Variants in ST18 observed in about 807,000 individuals in gnomAD.
ST18 encodes ST18 C2H2C-type zinc finger transcription factor.
ST18 carries 50 observed loss-of-function variants against 110.0 expected under a neutral mutation model. That is an observed-to-expected ratio of 0.45 (90% confidence interval 0.36 to 0.58). The LOEUF is 0.58. Ranked by LOEUF, ST18 falls within the 20% of genes least tolerant of loss-of-function variation. The pLI is 0.00. For missense variants in ST18, 1,306 were observed against 1,280.1 expected, an observed-to-expected ratio of 1.02 and a Z score of -0.31; for synonymous variants, 461 against 452.4, an observed-to-expected ratio of 1.02 and a Z score of -0.24.
chr8:52,288,043 T>C (rs1004685809), intron 2 of ST18, among the ~76,000 whole-genome samples: 1 of 152,168 alleles, frequency 6.6e-6, no homozygotes, highest in Admixed American at 6.5e-5. Context: ...AAACTTTCTT[T>C]CTCCAACTAA....
intron 2 of ST18, among the ~76,000 whole-genome samples, chr8:52,316,631 T>C (rs900445474): frequency 1.3e-5 from 2 of 152,218 alleles, no homozygotes; most frequent in African/African-American, 4.8e-5. Context: ...CTATTTTGAA[T>C]GTAGTCTCCC....
At chr8:52,358,987 C>A (rs1227040670) in intron 2 of ST18, among the ~76,000 whole-genome samples, 2 of 151,570 alleles carry the variant, frequency 1.3e-5, no homozygotes, top group African/African-American at 2.4e-5. Context: ...TACTAGGAAC[C>A]AAATTTATTT....
intron 2 of ST18, among the ~76,000 whole-genome samples, chr8:52,335,974 C>T (rs1322942871): frequency 6.6e-6 from 1 of 152,014 alleles, no homozygotes; most frequent in African/African-American, 2.4e-5. Context: ...ATCTGTCTCC[C>T]CTCTTGTCCC....
At chr8:52,353,708 AC>A (rs935020036) in intron 2 of ST18, among the ~76,000 whole-genome samples, 7 of 152,228 alleles carry the variant, frequency 4.6e-5, no homozygotes, top group Non-Finnish European at 1.0e-4. Context: ...AAAACTGTAA[AC>A]AAATAAGAAA....
At chr8:52,162,272 GCA>G (rs1205895683) in intron 13 of ST18, among the ~76,000 whole-genome samples, 1 of 152,160 alleles carries the variant, frequency 6.6e-6, no homozygotes, top group African/African-American at 2.4e-5. Context: ...GACAAGGTGT[GCA>G]CATTCTGCTT....
intron 2 of ST18, among the ~76,000 whole-genome samples, chr8:52,395,905 T>C (rs1189299692): frequency 6.6e-6 from 1 of 152,208 alleles, no homozygotes; most frequent in East Asian, 1.9e-4. Flanking sequence ...CTAAAAATGA[T>C]ATGTTTATGG....
chr8:52,146,728 A>G lies in ST18; in HGVS notation c.2052+3004T>C, dbSNP rs567203898. On this transcript the variant is annotated intron_variant, in intron 16 of 25. Coordinates refer to ENST00000689386, the MANE Select transcript of ST18 (RefSeq NM_001352837.2). ...TTTTTCAAAATAATGCCTACCAAAC[A>G]TTACATTTTTCATTTTCAAGATTCA... Among the ~76,000 whole-genome samples the G allele has an allele frequency of 1.4e-4, 21 of 152,312 alleles. No homozygotes were observed. The South Asian group carries it at 3.9e-3, about 29-fold the overall frequency.
intron 2 of ST18, among the ~76,000 whole-genome samples, chr8:52,390,756 G>A (rs770004671): frequency 2.0e-5 from 3 of 152,190 alleles, no homozygotes; most frequent in Admixed American, 1.3e-4. Context: ...GTGCCACAGC[G>A]ACGGTGGCAT....
intron 2 of ST18, among the ~76,000 whole-genome samples, chr8:52,243,449 A>G (rs547409255): frequency 1.8e-4 from 27 of 152,266 alleles, no homozygotes; most frequent in South Asian, 1.0e-3. Flanking sequence ...TATTGCTGAC[A>G]CAGGTTTTTC....
chr8:52,371,517 T>TA (rs553601536), intron 2 of ST18, among the ~76,000 whole-genome samples: 1 of 152,102 alleles, frequency 6.6e-6, no homozygotes, highest in Non-Finnish European at 1.5e-5. Flanking sequence ...TAGGTGCTGT[T>TA]AAAAAAAATT....
At chr8:52,182,838 G>A (rs1453352534) in intron 8 of ST18, among the ~76,000 whole-genome samples, 2 of 151,940 alleles carry the variant, frequency 1.3e-5, no homozygotes, top group African/African-American at 4.8e-5. Context: ...TTATTTTTTG[G>A]CATCAGGAAG....
At chr8:52,250,327 C>T (rs1212665967) in intron 2 of ST18, among the ~76,000 whole-genome samples, 1 of 151,580 alleles carries the variant, frequency 6.6e-6, no homozygotes, top group Non-Finnish European at 1.5e-5. Flanking sequence ...TCTCCTTTTG[C>T]CTGTGCTCTA....
chr8:52,338,454 C>G (rs2140162467), intron 2 of ST18, among the ~76,000 whole-genome samples: 1 of 152,254 alleles, frequency 6.6e-6, no homozygotes, highest in South Asian at 2.1e-4. Flanking sequence ...ATAGGAATTA[C>G]AGTCATCCCT....
At chr8:52,183,024 C>A (rs569872493) in intron 8 of ST18, among the ~76,000 whole-genome samples, 2 of 152,218 alleles carry the variant, frequency 1.3e-5, no homozygotes, top group African/African-American at 2.4e-5. Context: ...CTTATAAAAA[C>A]GAATCACATT....
At chr8:52,353,304 T>C (rs1274399798) in intron 2 of ST18, among the ~76,000 whole-genome samples, 1 of 152,258 alleles carries the variant, frequency 6.6e-6, no homozygotes, top group Non-Finnish European at 1.5e-5. Context: ...ACAATCTTTC[T>C]TAGATGGCTC....
At chr8:52,182,380 A>G (rs1252167863) in intron 8 of ST18, among the ~76,000 whole-genome samples, 3 of 152,192 alleles carry the variant, frequency 2.0e-5, no homozygotes, top group Non-Finnish European at 2.9e-5. Flanking sequence ...CCAATAGCCA[A>G]GATGTGGAAA....
intron 17 of ST18, among the ~76,000 whole-genome samples, chr8:52,141,876 A>G (rs145846032): frequency 1.0e-3 from 156 of 152,330 alleles, no homozygotes; most frequent in African/African-American, 3.7e-3. Flanking sequence ...CAAGGAGTCC[A>G]CAGCAGGAGT....
Position 52,149,767 on chromosome 8 carries a change from T to C in ST18, c.2017A>G (p.Ser673Gly), listed in dbSNP as rs967774497. The C allele has an allele frequency of 6.2e-7, 1 of 1,614,166 alleles. No homozygotes were observed. The highest frequency in any genetic ancestry group is 1.1e-5 in the South Asian group (1 of 91,066). Residue 673 changes from serine (S) to glycine (G), a missense_variant, in exon 16 of 26, where the codon AGC (serine) becomes GGC (glycine). Transcript: ENST00000689386. ...QEGWDTPINY[S>G]KTHGKTEEEK... ...TCCTCTGTCTTCCCGTGAGTTTTGC[T>C]ATAGTTGATAGGAGTGTCCCAGCCC...
chr8:52,396,566 A>G (rs1333099040), intron 2 of ST18, among the ~76,000 whole-genome samples: 1 of 152,206 alleles, frequency 6.6e-6, no homozygotes, highest in Non-Finnish European at 1.5e-5. Flanking sequence ...ACAGTTCCAC[A>G]TGGCTGGGGG....
Sources: allele counts gnomAD v4.1 joint callset (sites outside exome capture counted in the v4.1 genomes callset), GRCh38; gene constraint gnomAD v4.1.1; transcripts MANE v1.5; gene names NCBI Gene and HGNC (gene_info 2026-07-23, HGNC 2026-07-21).